Variants in DLGAP1 observed in about 807,000 individuals in gnomAD.
DLGAP1 encodes disks large-associated protein 1.
In DLGAP1, 11 loss-of-function variants were observed where a neutral mutation model predicts 90.8. That is an observed-to-expected ratio of 0.12 (90% CI 0.08 to 0.20). The LOEUF (loss-of-function observed/expected upper bound fraction) is 0.20. Among genes scored for constraint, DLGAP1 ranks in the 10% least tolerant of loss-of-function variants. The pLI, the probability that DLGAP1 is intolerant of heterozygous loss-of-function variation, is 1.00. For missense variants in DLGAP1, 1,050 were observed against 1,333.8 expected (o/e 0.79, Z 3.31); for synonymous variants, 558 against 540.7 (o/e 1.03, Z -0.44).
At chr18:3,664,367 G>A (rs987564945) in intron 7 of DLGAP1, among the ~76,000 whole-genome samples, 3 of 152,222 alleles carry the variant, frequency 2.0e-5, no homozygotes, top group South Asian at 2.1e-4. Context: ...TATAATGATT[G>A]TTTTTCAGCT....
chr18:3,993,261 A>T (rs1223155013), intron 3 of DLGAP1: 1 of 152,172 alleles, frequency 6.6e-6, no homozygotes, highest in Non-Finnish European at 1.5e-5. Flanking sequence ...ACAGGATAAG[A>T]CAGGCTTCTT....
intron 10 of DLGAP1, among the ~76,000 whole-genome samples, chr18:3,531,357 A>G (rs2051990443): frequency 6.6e-6 from 1 of 152,056 alleles, no homozygotes; most frequent in Non-Finnish European, 1.5e-5. Context: ...GAATCACTTG[A>G]ACCCAGGAGA....
At chr18:3,969,387 A>G in intron 3 of DLGAP1, among the ~76,000 whole-genome samples, 1 of 152,188 alleles carries the variant, frequency 6.6e-6, no homozygotes, top group East Asian at 1.9e-4. Context: ...TGGTTTTTGC[A>G]AAACGTTCTG....
intron 6 of DLGAP1, among the ~76,000 whole-genome samples, chr18:3,735,330 C>T (rs1405152778): frequency 2.0e-5 from 3 of 152,236 alleles, no homozygotes; most frequent in Non-Finnish European, 4.4e-5. Flanking sequence ...AGCGATTCTT[C>T]TGCCTCAGCC....
rs193254823 is a variant in DLGAP1 at position 4,399,901 on chromosome 18, T to C, written c.-267+55105A>G. On this transcript the variant is annotated intron_variant, in intron 1 of 12. Coordinates refer to ENST00000315677, the MANE Select transcript of DLGAP1 (RefSeq NM_004746.4). Reference sequence around the variant, plus strand: ...GTAAAGCACTGACTCACTTCTATGCTTACTAAGCAGCAACCTGACTCGGGA... The same window carrying C: ...GTAAAGCACTGACTCACTTCTATGCCTACTAAGCAGCAACCTGACTCGGGA... Among the ~76,000 whole-genome samples, 3 of 152,292 alleles carry C rather than the reference T, an allele frequency of 2.0e-5. No individual in the cohort carries two copies. The East Asian group carries it at 5.8e-4, about 29-fold the overall frequency.
At chr18:4,425,980 T>A (rs1049815750) in intron 1 of DLGAP1, among the ~76,000 whole-genome samples, 11 of 152,246 alleles carry the variant, frequency 7.2e-5, no homozygotes, top group African/African-American at 2.7e-4. Flanking sequence ...GCCTAGTGAT[T>A]CACATTGTGC....
chr18:4,076,775 C>T (rs1291378898), intron 2 of DLGAP1, among the ~76,000 whole-genome samples: 1 of 152,018 alleles, frequency 6.6e-6, no homozygotes, highest in Admixed American at 6.6e-5. Flanking sequence ...AGGTGCATAC[C>T]ACCACACCTG....
intron 1 of DLGAP1, among the ~76,000 whole-genome samples, chr18:4,155,133 G>C (rs1379812408): frequency 6.6e-6 from 1 of 152,064 alleles, no homozygotes. Flanking sequence ...TCCCATGCCA[G>C]AGAAGGGTGT....
intron 7 of DLGAP1, chr18:3,655,631 C>T (rs1202641706): frequency 1.3e-5 from 2 of 155,692 alleles, no homozygotes; most frequent in African/African-American, 4.8e-5. Context: ...TTAACCATCT[C>T]ATTGTCTCAT....
At chr18:4,344,247 A>G (rs2081261618) in intron 1 of DLGAP1, among the ~76,000 whole-genome samples, 4 of 152,176 alleles carry the variant, frequency 2.6e-5, no homozygotes, top group African/African-American at 9.7e-5. Context: ...ATATTATTTA[A>G]TCTCCACAAT....
At chr18:3,865,865 GTTC>G (rs1242548797) in intron 4 of DLGAP1, among the ~76,000 whole-genome samples, 4 of 152,182 alleles carry the variant, frequency 2.6e-5, no homozygotes, top group Non-Finnish European at 4.4e-5. Flanking sequence ...GTAAGTTAAA[GTTC>G]TTCTTACTCT....
intron 3 of DLGAP1, among the ~76,000 whole-genome samples, chr18:3,951,673 G>A (rs1861707950): frequency 6.6e-6 from 1 of 152,166 alleles, no homozygotes; most frequent in South Asian, 2.1e-4. Flanking sequence ...TTGGGAGAGG[G>A]ACCTGGTGGG....
At chr18:4,066,284 T>C (rs972957849) in intron 2 of DLGAP1, among the ~76,000 whole-genome samples, 7 of 152,036 alleles carry the variant, frequency 4.6e-5, no homozygotes, top group African/African-American at 1.4e-4. Flanking sequence ...CCAAAAGCAA[T>C]TGCAACAAAA....
chr18:4,145,077 T>C (rs1378701453), intron 2 of DLGAP1, among the ~76,000 whole-genome samples: 4 of 152,212 alleles, frequency 2.6e-5, no homozygotes, highest in Non-Finnish European at 5.9e-5. Flanking sequence ...TGCCTATAAC[T>C]TTTCTATTGT....
At position 4,202,189 on chromosome 18, in the gene DLGAP1, G is replaced by T. The variant is rs1019574481; in HGVS notation, c.-266-50902C>A. 1.6e-4 allele frequency among the ~76,000 whole-genome samples: 24 copies of T among 151,942 alleles called. 1 individual carries two copies. Among genetic ancestry groups the T allele is most frequent in the African/African-American group, 5.1e-4 (21 of 41,368 alleles). On this transcript the variant is annotated intron_variant, in intron 1 of 12. Coordinates refer to ENST00000315677, the MANE Select transcript of DLGAP1 (RefSeq NM_004746.4). ...CTATTCAGCCATAAAAAGAATAAAA[G>T]AATGTTTTTTGCAGGAACTTGGATA...
chr18:3,705,241 A>G (rs2061396763), intron 7 of DLGAP1, among the ~76,000 whole-genome samples: 1 of 152,222 alleles, frequency 6.6e-6, no homozygotes, highest in Non-Finnish European at 1.5e-5. Flanking sequence ...GGACTCTAAA[A>G]TAAATGAAGG....
intron 7 of DLGAP1, among the ~76,000 whole-genome samples, chr18:3,717,504 C>T (rs188841495): frequency 2.0e-5 from 3 of 152,300 alleles, no homozygotes; most frequent in Non-Finnish European, 1.5e-5. Flanking sequence ...CTTGCTATCA[C>T]CCATTTCTAG....
intron 2 of DLGAP1, among the ~76,000 whole-genome samples, chr18:4,030,413 C>A (rs975069983): frequency 6.6e-6 from 1 of 152,164 alleles, no homozygotes; most frequent in Non-Finnish European, 1.5e-5. Flanking sequence ...ACCTTATGGG[C>A]TAAGAAGAAT....
At chr18:3,636,549 C>A (rs1051448161) in intron 7 of DLGAP1, among the ~76,000 whole-genome samples, 2 of 150,924 alleles carry the variant, frequency 1.3e-5, no homozygotes, top group Non-Finnish European at 2.9e-5. Flanking sequence ...GGAGCTGGGA[C>A]TACAGACGCA....
Sources: gnomAD v4.1 joint callset for allele counts (sites outside exome capture counted in the v4.1 genomes callset) on GRCh38, gnomAD v4.1.1 for gene constraint, MANE v1.5 for transcripts, NCBI Gene and HGNC (gene_info 2026-07-23, HGNC 2026-07-21) for gene names.